Variants in PLA2G4C observed in about 807,000 individuals in gnomAD.
PLA2G4C encodes the protein phospholipase A2 group IVC.
In PLA2G4C, 64 loss-of-function variants were observed where a neutral mutation model predicts 73.8. That is an observed-to-expected ratio of 0.87 (90% CI 0.71 to 1.07). The LOEUF is 1.07. Among genes scored for constraint, PLA2G4C ranks in the 50% least tolerant of loss-of-function variants. The probability of loss-of-function intolerance (pLI) is 0.00; values close to 1 mark genes in which losing one functional copy is unlikely to be tolerated. For missense variants in PLA2G4C, 622 were observed against 665.4 expected (o/e 0.93, Z 0.72); for synonymous variants, 254 against 252.1 (o/e 1.01, Z -0.07).
At chr19:48,067,030 G>A (rs1346597758) in intron 13 of PLA2G4C, among the ~76,000 whole-genome samples, 1 of 151,880 alleles carries the variant, frequency 6.6e-6, no homozygotes, top group Middle Eastern at 3.2e-3. Flanking sequence ...ATGGTCATAG[G>A]AGAGGATCTC....
At chr19:48,084,040 T>G (rs1041171478) in intron 10 of PLA2G4C, among the ~76,000 whole-genome samples, 3 of 139,130 alleles carry the variant, frequency 2.2e-5, no homozygotes, top group African/African-American at 8.1e-5. Context: ...AATGCCAATT[T>G]TGTGTGTGTG....
intron 16 of PLA2G4C, among the ~76,000 whole-genome samples, chr19:48,051,166 A>G (rs1044444171): frequency 6.6e-6 from 1 of 152,214 alleles, no homozygotes; most frequent in South Asian, 2.1e-4. Flanking sequence ...AGGAGGGGCC[A>G]TGAGCCAAGG....
chr19:48,055,085 TCTCCAGAAGACCC>T (rs3217328), intron 14 of PLA2G4C, 36 bp from the exon 15 acceptor site: 937,037 of 1,514,622 alleles, frequency 0.62, 296,931 homozygotes, highest in East Asian at 0.82. Flanking sequence ...TTGCAAGACC[TCTCCAGAAGACCC>T]CTCCAGAAGA....
chr19:48,104,719 T>A lies in PLA2G4C; in HGVS notation c.126A>T (p.Pro42=). 6.2e-7 allele frequency: 1 copy of A among 1,613,720 alleles called. No homozygotes were observed. The highest frequency in any genetic ancestry group is 8.5e-7 in the Non-Finnish European group (1 of 1,179,912). The change falls in exon 4 of 17, where the codon CCA becomes CCT. Residue 42 remains proline, a synonymous_variant. Coordinates refer to ENST00000599921, the MANE Select transcript of PLA2G4C (RefSeq NM_003706.3). ...KKLRIEADEA[P]VVAVLGSGGG... Reference sequence around the variant, plus strand: ...CGCCTGAGCCCAGCACAGCAACAACTGGGGCCTAGGCATTGGGGAGAAAAT... The same window carrying A: ...CGCCTGAGCCCAGCACAGCAACAACAGGGGCCTAGGCATTGGGGAGAAAAT...
At chr19:48,075,334 C>T (rs1471878984) in intron 11 of PLA2G4C, among the ~76,000 whole-genome samples, 1 of 151,828 alleles carries the variant, frequency 6.6e-6, no homozygotes, top group Non-Finnish European at 1.5e-5. Flanking sequence ...CAGGCACGCA[C>T]CACCACCAGG....
Position 48,099,817 on chromosome 19 carries a change from G to T in PLA2G4C, c.301C>A (p.Leu101Ile). 1 of 1,613,980 alleles carries T rather than the reference G, an allele frequency of 6.2e-7. No homozygotes were observed. The highest frequency in any genetic ancestry group is 8.5e-7 in the Non-Finnish European group (1 of 1,179,896). ...AATCGATGTTTCAGGTCAGCCTCGA[G>T]AGCTTCCATGTCACCATCATTGGTG... ...LYTNDGDMEA[L>I]EADLKHRFTR... Residue 101 changes from leucine (L) to isoleucine (I), a missense_variant, in exon 5 of 17, where the codon CTC becomes ATC. Physicochemically the swap from Leu to Ile is conservative, Grantham distance 5. Transcript: ENST00000599921.
intron 14 of PLA2G4C, among the ~76,000 whole-genome samples, chr19:48,060,113 A>G (rs1968113861): frequency 6.6e-6 from 1 of 151,730 alleles, no homozygotes; most frequent in African/African-American, 2.4e-5. Flanking sequence ...CTGAGCCACT[A>G]TTGGTTTGTT....
intron 14 of PLA2G4C, among the ~76,000 whole-genome samples, chr19:48,057,477 C>CTTTTTTTTTTTTTTTTTTTTTTTTTTTT (rs1265460823): frequency 5.9e-5 from 1 of 16,850 alleles, no homozygotes; most frequent in African/African-American, 1.7e-4. Flanking sequence ...TCTTCTTCTT[C>CTTTTTTTTTTTTTTTTTTTTTTTTTTTT]TTCTTCTTTT....
intron 7 of PLA2G4C, 139 bp downstream of exon 7, chr19:48,095,325 C>T (rs2031510451): frequency 1.3e-6 from 1 of 760,828 alleles, no homozygotes. Context: ...TACACCATTC[C>T]TCTTTCTGGA....
chr19:48,050,073 T>C (rs1199263121), intron 16 of PLA2G4C, among the ~76,000 whole-genome samples: 1 of 152,072 alleles, frequency 6.6e-6, no homozygotes, highest in Non-Finnish European at 1.5e-5. Context: ...AAGTGTGCAC[T>C]ACCATGCCCA....
intron 9 of PLA2G4C, among the ~76,000 whole-genome samples, chr19:48,087,211 G>T (rs1037923755): frequency 8.5e-5 from 13 of 152,206 alleles, no homozygotes; most frequent in African/African-American, 3.1e-4. Flanking sequence ...GTTTCTTTCA[G>T]CAGGGACACA....
At chr19:48,067,032 G>A (rs1968455938) in intron 13 of PLA2G4C, among the ~76,000 whole-genome samples, 1 of 151,956 alleles carries the variant, frequency 6.6e-6, no homozygotes, top group South Asian at 2.1e-4. Flanking sequence ...GGTCATAGGA[G>A]AGGATCTCCA....
Position 48,067,811 on chromosome 19 carries a change from T to A in PLA2G4C, c.1082A>T (p.His361Leu). 1 of 1,610,430 alleles carries A rather than the reference T, an allele frequency of 6.2e-7. No individual in the cohort carries two copies. The highest frequency in any genetic ancestry group is 8.5e-7 in the Non-Finnish European group (1 of 1,176,740). Reference sequence around the variant, plus strand: ...CTCACCGTGTTTGTACAGGAAGTTGTGAGTGGTCCCCCATTCCCACTTTGA... The same window carrying A: ...CTCACCGTGTTTGTACAGGAAGTTGAGAGTGGTCCCCCATTCCCACTTTGA... ...CASKWEWGTT[H>L]NFLYKHGGIR... The change falls in exon 13 of 17, where the codon CAC (histidine) becomes CTC (leucine). Residue 361 changes from histidine to leucine, a missense_variant. Transcript: ENST00000599921.
At chr19:48,090,689 C>T (rs1289937994) in intron 7 of PLA2G4C, 1 of 432,892 alleles carries the variant, frequency 2.3e-6, no homozygotes. Flanking sequence ...AGACTGGCTA[C>T]CCCAAGGCCA....
chr19:48,073,062 T>G (rs2029901797), intron 12 of PLA2G4C: 1 of 152,288 alleles, frequency 6.6e-6, no homozygotes, highest in Non-Finnish European at 1.5e-5. Flanking sequence ...TATTATTTTT[T>G]CGAGACAGGG....
At chr19:48,064,743 C>A (rs1968345498) in intron 13 of PLA2G4C, 1 of 152,066 alleles carries the variant, frequency 6.6e-6, no homozygotes, top group South Asian at 2.1e-4. Flanking sequence ...TTGAAACATT[C>A]CAATAGAATG....
chr19:48,104,820 C>T (rs765037457), intron 3 of PLA2G4C, 96 bp from the exon 4 acceptor site: 54 of 1,224,990 alleles, frequency 4.4e-5, no homozygotes, highest in Non-Finnish European at 5.9e-5. Flanking sequence ...CCGTGGCTCA[C>T]GCCTGTAATC....
Position 48,085,042 on chromosome 19 carries a change from GT to G in PLA2G4C, c.844+16del, listed in dbSNP as rs751482481. 5 of 1,588,164 alleles carry G rather than the reference GT, an allele frequency of 3.1e-6. No homozygotes were observed. The highest frequency in any genetic ancestry group is 3.5e-6 in the Non-Finnish European group (4 of 1,156,596). ...AATATCTCTAGGCTTTGACCTTTCT[GT>G]TCCCCAAATACTCACCAAAAATAAG... On this transcript the variant is annotated intron_variant, in intron 10 of 16. Coordinates refer to ENST00000599921, the MANE Select transcript of PLA2G4C (RefSeq NM_003706.3).
rs750067126 is a variant in PLA2G4C at position 48,062,053 on chromosome 19, G to A, written c.1202C>T (p.Thr401Met). The A allele has an allele frequency of 8.7e-6, 14 of 1,613,722 alleles. No homozygotes were observed. Among genetic ancestry groups the A allele is most frequent in the East Asian group, 6.7e-5 (3 of 44,852 alleles). ...GGAGAGGATGAGGTGAACCTCCCGC[G>A]TCGGGGGCAGCACGAGTGGGAAGGG... ...NTPFPLVLPP[T>M]REVHLILSFD... is the part of the protein sequence containing the mutation. The change falls in exon 14 of 17, where the codon ACG (threonine) becomes ATG (methionine). Residue 401 changes from threonine to methionine, a missense_variant. By Grantham distance (81) the Thr-to-Met change is moderately conservative. Transcript: ENST00000599921.
Sources: gnomAD v4.1 joint callset for allele counts (sites outside exome capture counted in the v4.1 genomes callset) on GRCh38, gnomAD v4.1.1 for gene constraint, MANE v1.5 for transcripts, NCBI Gene and HGNC (gene_info 2026-07-23, HGNC 2026-07-21) for gene names.